FHOD3: variants seen among roughly 807,000 people sequenced by gnomAD.
FHOD3 encodes the protein FH1/FH2 domain-containing protein 3.
Under a neutral mutation model 173.0 loss-of-function variants are expected in FHOD3, and 90 were observed. The observed-to-expected ratio is 0.52, with a 90% CI of 0.44 to 0.62. The LOEUF (loss-of-function observed/expected upper bound fraction) is 0.62. Among genes scored for constraint, FHOD3 ranks in the 20% least tolerant of loss-of-function variants. The pLI is 0.00. For missense variants in FHOD3, 1,945 were observed against 2,034.7 expected (o/e 0.96, Z 0.85); for synonymous variants, 828 against 823.0 (o/e 1.01, Z -0.10).
intron 7 of FHOD3, among the ~76,000 whole-genome samples, chr18:36,599,103 T>A (rs1181416371): frequency 6.6e-6 from 1 of 152,232 alleles, no homozygotes; most frequent in African/African-American, 2.4e-5. Context: ...TATTGGAGAC[T>A]CCCTTTCCTT....
chr18:36,664,198 A>G (rs553095397), intron 14 of FHOD3, among the ~76,000 whole-genome samples: 1 of 152,248 alleles, frequency 6.6e-6, no homozygotes, highest in African/African-American at 2.4e-5. Context: ...CTTCTCTGAG[A>G]AAATCCCAAA....
intron 3 of FHOD3, among the ~76,000 whole-genome samples, chr18:36,423,115 C>T (rs1019243482): frequency 5.4e-3 from 14 of 2,588 alleles, no homozygotes; most frequent in African/African-American, 0.018. Context: ...CCTCGATTCA[C>T]ACCCCCCCCA....
Position 36,635,837 on chromosome 18 carries a change from A to C in FHOD3, c.1196+10088A>C, listed in dbSNP as rs1324509582. ...TGCATGGGCAGAGAACTGGCTGGGG[A>C]AAACCAGCAAGAGAATGTACAGAAC... On this transcript the variant is annotated intron_variant, in intron 10 of 28. Coordinates refer to ENST00000590592, the MANE Select transcript of FHOD3 (RefSeq NM_001281740.3). Among the ~76,000 whole-genome samples the C allele has an allele frequency of 3.3e-5, 5 of 152,350 alleles. No homozygotes were observed. The East Asian group carries it at 9.7e-4, about 29-fold the overall frequency.
At chr18:36,752,378 C>T (rs1016092525) in intron 24 of FHOD3, among the ~76,000 whole-genome samples, 1 of 152,132 alleles carries the variant, frequency 6.6e-6, no homozygotes, top group African/African-American at 2.4e-5. Context: ...TGCCCAAAGT[C>T]CACCCCTCCC....
At chr18:36,684,817 T>C (rs991700168) in intron 15 of FHOD3, among the ~76,000 whole-genome samples, 3 of 152,148 alleles carry the variant, frequency 2.0e-5, no homozygotes, top group African/African-American at 7.2e-5. Flanking sequence ...TTTGTTTGTT[T>C]CTTGAGACAG....
At chr18:36,613,610 A>G (rs901676069) in intron 9 of FHOD3, among the ~76,000 whole-genome samples, 28 of 152,284 alleles carry the variant, frequency 1.8e-4, no homozygotes, top group African/African-American at 6.5e-4. Context: ...CACCAGTGGC[A>G]TTCTGTGTGT....
rs73949831 is a variant in FHOD3 at position 36,660,704 on chromosome 18, A to G, written c.1835+2516A>G. On this transcript the variant is annotated intron_variant, in intron 14 of 28. Transcript: ENST00000590592. Reference sequence around the variant, plus strand: ...TCCAGCATGGGGCATGGGTGGTCCAAGGAGCCTGTCTGACATCCAGGGAGA... The same window carrying G: ...TCCAGCATGGGGCATGGGTGGTCCAGGGAGCCTGTCTGACATCCAGGGAGA... Among the ~76,000 whole-genome samples, 880 of 152,344 alleles carry G rather than the reference A, an allele frequency of 5.8e-3. 8 individuals carry two copies. Among genetic ancestry groups the G allele is most frequent in the African/African-American group, 0.02 (849 of 41,592 alleles).
At chr18:36,415,582 T>C (rs1052331472) in intron 3 of FHOD3, among the ~76,000 whole-genome samples, 1 of 152,264 alleles carries the variant, frequency 6.6e-6, no homozygotes, top group Non-Finnish European at 1.5e-5. Flanking sequence ...TTGTTTGAAC[T>C]GTTTTATTCA....
chr18:36,341,332 G>A (rs953466430), intron 1 of FHOD3, among the ~76,000 whole-genome samples: 3 of 152,150 alleles, frequency 2.0e-5, no homozygotes, highest in Non-Finnish European at 4.4e-5. Flanking sequence ...ATTCTACCCA[G>A]AACAGTGGAG....
chr18:36,468,654 G>A (rs1355401095), intron 3 of FHOD3, among the ~76,000 whole-genome samples: 1 of 152,162 alleles, frequency 6.6e-6, no homozygotes, highest in Non-Finnish European at 1.5e-5. Flanking sequence ...TAGTACTTTA[G>A]AGGGGGAGGA....
intron 1 of FHOD3, among the ~76,000 whole-genome samples, chr18:36,327,244 C>T (rs563605278): frequency 4.1e-4 from 63 of 152,336 alleles, no homozygotes; most frequent in African/African-American, 1.4e-3. Context: ...AAAGATAAAA[C>T]TCACTGGTGT....
intron 3 of FHOD3, among the ~76,000 whole-genome samples, chr18:36,482,858 C>CACAGAGAGAGAG (rs1400178557): frequency 4.6e-5 from 6 of 130,374 alleles, no homozygotes; most frequent in African/African-American, 1.9e-4. Flanking sequence ...CACACACACA[C>CACAGAGAGAGAG]AGAGAGAGAG....
intron 18 of FHOD3, among the ~76,000 whole-genome samples, chr18:36,711,765 A>G (rs529901637): frequency 1.3e-4 from 20 of 152,318 alleles, no homozygotes; most frequent in African/African-American, 4.6e-4. Flanking sequence ...TATGACAGTG[A>G]AGCTCCAAGT....
intron 15 of FHOD3, among the ~76,000 whole-genome samples, chr18:36,684,356 A>G (rs2038458937): frequency 6.6e-6 from 1 of 152,210 alleles, no homozygotes; most frequent in Non-Finnish European, 1.5e-5. Context: ...TTTTAACTCA[A>G]AGGGAAAAGA....
intron 27 of FHOD3, among the ~76,000 whole-genome samples, chr18:36,762,428 C>T (rs1567955134): frequency 1.3e-5 from 2 of 152,184 alleles, no homozygotes; most frequent in Admixed American, 1.3e-4. Context: ...TTTCTCACTT[C>T]ATGTGACTAC....
intron 18 of FHOD3, among the ~76,000 whole-genome samples, chr18:36,716,914 A>ATG (rs57041859): frequency 0.18 from 25,122 of 136,714 alleles, 2,155 homozygotes; most frequent in East Asian, 0.36. Context: ...ATATATGTGT[A>ATG]TGTGTGTGTG....
intron 17 of FHOD3, 43 bp downstream of exon 17, chr18:36,693,466 C>T (rs2039083285): frequency 1.3e-6 from 2 of 1,557,352 alleles, no homozygotes; most frequent in Non-Finnish European, 8.8e-7. Flanking sequence ...AGGTTAACAT[C>T]AGACAGGCTT....
At chr18:36,662,745 C>G (rs777242002) in intron 14 of FHOD3, among the ~76,000 whole-genome samples, 92 of 152,248 alleles carry the variant, frequency 6.0e-4, no homozygotes, top group Admixed American at 2.6e-3. Flanking sequence ...ACCCTCTTAA[C>G]AATGTTTAAG....
At chr18:36,644,415 C>T (rs898983974) in intron 10 of FHOD3, among the ~76,000 whole-genome samples, 5 of 152,176 alleles carry the variant, frequency 3.3e-5, no homozygotes, top group African/African-American at 7.2e-5. Flanking sequence ...AATCAAGCCT[C>T]GAAAGTCCTG....
Sources: allele counts gnomAD v4.1 joint callset (sites outside exome capture counted in the v4.1 genomes callset), GRCh38; gene constraint gnomAD v4.1.1; transcripts MANE v1.5; gene names NCBI Gene and HGNC (gene_info 2026-07-23, HGNC 2026-07-21).